Variants in LAMTOR3 observed in about 807,000 individuals in gnomAD.
LAMTOR3 encodes late endosomal/lysosomal adaptor, MAPK and MTOR activator 3.
A neutral mutation model predicts 20.3 loss-of-function variants in LAMTOR3; 14 were observed. The observed-to-expected ratio is 0.69, with a 90% CI of 0.46 to 1.08. LAMTOR3 has a LOEUF of 1.08. Among genes scored for constraint, LAMTOR3 ranks in the 50% least tolerant of loss-of-function variants. The probability of loss-of-function intolerance (pLI) is 0.00; values close to 1 mark genes in which losing one functional copy is unlikely to be tolerated. For missense variants in LAMTOR3, 125 were observed against 143.7 expected, an observed-to-expected ratio of 0.87 and a Z score of 0.67; for synonymous variants, 40 against 49.4, an observed-to-expected ratio of 0.81 and a Z score of 0.80.
intron 5 of LAMTOR3, among the ~76,000 whole-genome samples, chr4:99,885,012 C>T (rs1002508556): frequency 2.0e-5 from 3 of 151,314 alleles, no homozygotes; most frequent in Non-Finnish European, 4.4e-5. Flanking sequence ...GATTAGGAAA[C>T]ATCGCTCTAA....
At chr4:99,888,688 A>C (rs1724971323) in intron 3 of LAMTOR3, among the ~76,000 whole-genome samples, 1 of 152,218 alleles carries the variant, frequency 6.6e-6, no homozygotes, top group Non-Finnish European at 1.5e-5. Context: ...ACTGACATTA[A>C]ATTTTTTAAA....
rs148622973 is a variant in LAMTOR3 at position 99,891,194 on chromosome 4, T to C, written c.44+806A>G. 1.6e-3 allele frequency among the ~76,000 whole-genome samples: 251 copies of C among 152,320 alleles called. 1 individual carries two copies. The highest frequency in any genetic ancestry group is 5.7e-3 in the African/African-American group (235 of 41,560). On this transcript the variant is annotated intron_variant, in intron 3 of 6. Coordinates refer to ENST00000499666, the MANE Select transcript of LAMTOR3 (RefSeq NM_021970.4). ...CTATGTACTATTAACTATTTCATCA[T>C]ATCACCAGCGTAGTGGGGTATCTCT... is the stretch of plus-strand genomic sequence containing the variant.
At chr4:99,891,740 T>C (rs1256825987) in intron 3 of LAMTOR3, among the ~76,000 whole-genome samples, 2 of 152,268 alleles carry the variant, frequency 1.3e-5, no homozygotes, top group South Asian at 2.1e-4. Flanking sequence ...TAAAGAATTA[T>C]AGAAGAAACA....
rs1005679171 is a variant in LAMTOR3 at position 99,879,887 on chromosome 4, T to C, written c.*2107A>G. The C allele has an allele frequency of 2.6e-5, 4 of 151,582 alleles. No individual in the cohort carries two copies. The highest frequency in any genetic ancestry group is 5.9e-5 in the Non-Finnish European group (4 of 67,898). The allele number at this position is 151,582 out of a possible 1,614,324, so 9.4% of individuals were successfully genotyped here. A position where few individuals can be genotyped will look rare whatever the true frequency, so the allele number is the denominator to read the frequency against. On this transcript the variant is annotated 3_prime_UTR_variant, in exon 7 of 7. Transcript: ENST00000499666. ...CCTACTACTACACACCTAGGCTATA[T>C]GGTATCGCCTACTACTACACACCTA...
At position 99,885,600 on chromosome 4, in the gene LAMTOR3, C is replaced by T; in HGVS notation, c.179G>A (p.Gly60Glu). ...ATTTTTGGAAAGTCCAAGTTTGCTT[C>T]CTTGGTCTGTTGCAAGGGCAAAAGT... ...LSTFALATDQ[G>E]SKLGLSKNKS... Residue 60 changes from glycine to glutamate, a missense_variant, in exon 5 of 7, where the codon GGA becomes GAA. Physicochemically the swap from Gly to Glu is moderately conservative, Grantham distance 98. This residue lies in a region of LAMTOR3 where 99 missense variants were observed against 96.0 expected (regional missense o/e 1.03). Transcript: ENST00000499666. 6.2e-7 allele frequency: 1 copy of T among 1,613,492 alleles called. No homozygotes were observed. Among genetic ancestry groups the T allele is most frequent in the South Asian group, 1.1e-5 (1 of 91,050 alleles).
Position 99,881,947 on chromosome 4 carries a change from T to A in LAMTOR3, c.*47A>T, listed in dbSNP as rs779317864. On this transcript the variant is annotated 3_prime_UTR_variant, in exon 7 of 7. Transcript: ENST00000499666. ...AGTCTAAAGATTGCTGGATTGATAT[T>A]GTGTTGTTATAATGAAGATAAGGTA... 1 of 1,234,486 alleles carries A rather than the reference T, an allele frequency of 8.1e-7. No homozygotes were observed. Among genetic ancestry groups the A allele is most frequent in the South Asian group, 1.2e-5 (1 of 81,002 alleles). 76.5% of individuals were successfully genotyped at this position (1,234,486 alleles called of 1,614,324 possible).
At chr4:99,885,441 A>C in intron 5 of LAMTOR3, 101 bp downstream of exon 5, 1 of 1,074,936 alleles carries the variant, frequency 9.3e-7, no homozygotes, top group Non-Finnish European at 1.3e-6. Flanking sequence ...CATCCTCTTC[A>C]AAACTAAAAT....
At chr4:99,890,207 C>T (rs1428917084) in intron 3 of LAMTOR3, among the ~76,000 whole-genome samples, 8 of 152,094 alleles carry the variant, frequency 5.3e-5, no homozygotes, top group East Asian at 1.9e-4. Context: ...TCAAAGACAT[C>T]GGATTTAGTT....
chr4:99,885,458 C>T (rs1724904464), intron 5 of LAMTOR3, 84 bp downstream of exon 5: 2 of 1,223,446 alleles, frequency 1.6e-6, no homozygotes, highest in Admixed American at 2.8e-5. Context: ...AAATTGAGAA[C>T]TATAACACAA....
intron 6 of LAMTOR3, among the ~76,000 whole-genome samples, chr4:99,882,664 C>T (rs888618906): frequency 6.6e-6 from 1 of 151,960 alleles, no homozygotes; most frequent in Non-Finnish European, 1.5e-5. Flanking sequence ...ATAAAGCATA[C>T]TTTTGTCTCT....
chr4:99,887,337 G>T lies in LAMTOR3; in HGVS notation c.62C>A (p.Ala21Asp), dbSNP rs745593345. The change falls in exon 4 of 7, where the codon GCC becomes GAC. Residue 21 changes from alanine to aspartate, a missense_variant. This residue lies in a region of LAMTOR3 where 99 missense variants were observed against 96.0 expected (regional missense o/e 1.03). Coordinates refer to ENST00000499666, the MANE Select transcript of LAMTOR3 (RefSeq NM_021970.4). ...KKLPSVEGLH[A>D]IVVSDRDGVP... Reference sequence around the variant, plus strand: ...TCCATCTCTATCTGACACAACAATGGCATGGAGCCCTTCAACACTAGAAAA... The same window carrying T: ...TCCATCTCTATCTGACACAACAATGTCATGGAGCCCTTCAACACTAGAAAA... 6.5e-7 allele frequency: 1 copy of T among 1,535,800 alleles called. No homozygotes were observed. Among genetic ancestry groups the T allele is most frequent in the East Asian group, 2.4e-5 (1 of 41,802 alleles).
At chr4:99,884,367 C>A (rs1039391880) in intron 5 of LAMTOR3, among the ~76,000 whole-genome samples, 1 of 151,988 alleles carries the variant, frequency 6.6e-6, no homozygotes, top group African/African-American at 2.4e-5. Context: ...AAGGTGAAAC[C>A]ATATCTTCAT....
In LAMTOR3 at chr4:99,878,533, A is replaced by G. The variant is rs938803768; in HGVS notation, c.*3461T>C. The G allele has an allele frequency of 1.3e-5, 2 of 152,200 alleles. No homozygotes were observed. The highest frequency in any genetic ancestry group is 2.9e-5 in the Non-Finnish European group (2 of 68,038). The allele number at this position is 152,200 out of a possible 1,614,324, so 9.4% of individuals were successfully genotyped here. A position where few individuals can be genotyped will look rare whatever the true frequency, so the allele number is the denominator to read the frequency against. ...TAGTTCTGCTCCTTGGAGACTACCA[A>G]TGTGATCAGGTTCTTCCATATATGT... On this transcript the variant is annotated 3_prime_UTR_variant, in exon 7 of 7. Transcript: ENST00000499666.
intron 6 of LAMTOR3, among the ~76,000 whole-genome samples, chr4:99,882,711 C>G (rs1464164606): frequency 6.6e-6 from 1 of 151,854 alleles, no homozygotes; most frequent in East Asian, 1.9e-4. Context: ...AAGATAGGTG[C>G]TTCTATATTG....
intron 1 of LAMTOR3, 79 bp from the exon 2 acceptor site, chr4:99,894,079 G>C (rs1458608266): frequency 2.1e-6 from 2 of 937,230 alleles, no homozygotes; most frequent in East Asian, 2.9e-5. Context: ...CGCGAGATCA[G>C]CCCTGGTCAG....
At chr4:99,891,844 C>G (rs186403329) in intron 3 of LAMTOR3, among the ~76,000 whole-genome samples, 156 bp downstream of exon 3, 3 of 151,982 alleles carry the variant, frequency 2.0e-5, no homozygotes, top group African/African-American at 7.2e-5. Flanking sequence ...GCGGTTGTGA[C>G]GAAAATTTTC....
At chr4:99,885,887 ACT>A (rs1360122507) in intron 4 of LAMTOR3, among the ~76,000 whole-genome samples, 4 of 152,174 alleles carry the variant, frequency 2.6e-5, no homozygotes, top group Admixed American at 1.3e-4. Flanking sequence ...AAAAATGCTG[ACT>A]CTCACAATTT....
intron 2 of LAMTOR3, 60 bp from the exon 3 acceptor site, chr4:99,892,094 C>A (rs963693995): frequency 1.5e-5 from 23 of 1,491,972 alleles, no homozygotes; most frequent in African/African-American, 7.3e-5. Flanking sequence ...TTTTCTAGAT[C>A]CTGTCCTATC....
In LAMTOR3 at chr4:99,879,355, C is replaced by T. The variant is rs182394282; in HGVS notation, c.*2639G>A. 77 of 152,244 alleles carry T rather than the reference C, an allele frequency of 5.1e-4. 2 individuals carry two copies. The highest frequency in any genetic ancestry group is 1.5e-3 in the African/African-American group (64 of 41,542). The allele number at this position is 152,244 out of a possible 1,614,324, so 9.4% of individuals were successfully genotyped here. A position where few individuals can be genotyped will look rare whatever the true frequency, so the allele number is the denominator to read the frequency against. On this transcript the variant is annotated 3_prime_UTR_variant, in exon 7 of 7. Coordinates refer to ENST00000499666, the MANE Select transcript of LAMTOR3 (RefSeq NM_021970.4). ...CCAGATGAACTATGGGATAGTTTAT[C>T]TATTATACCCCCTCAGAAATTTTAA...
Sources: allele counts gnomAD v4.1 joint callset (sites outside exome capture counted in the v4.1 genomes callset), GRCh38; gene constraint gnomAD v4.1.1; regional missense constraint gnomAD v4.1.1; transcripts MANE v1.5; gene names NCBI Gene and HGNC (gene_info 2026-07-23, HGNC 2026-07-21).